Variants in HECW2 observed in about 807,000 individuals in gnomAD.
The protein encoded by HECW2 is HECT, C2 and WW domain containing E3 ubiquitin protein ligase 2, also known as E3 ubiquitin-protein ligase HECW2.
A neutral mutation model predicts 175.2 loss-of-function variants in HECW2; 61 were observed. The observed-to-expected ratio is 0.35, with a 90% confidence interval of 0.28 to 0.43. The LOEUF (loss-of-function observed/expected upper bound fraction) is 0.43, where lower values mean the gene tolerates loss of function less well. Among genes scored for constraint, HECW2 ranks in the 20% least tolerant of loss-of-function variants. The probability of loss-of-function intolerance (pLI) is 1.00; values close to 1 mark genes in which losing one functional copy is unlikely to be tolerated. For synonymous variants in HECW2, 671 were observed against 731.0 expected (o/e 0.92, Z 1.32); for missense variants, 1,524 against 2,000.5 (o/e 0.76, Z 4.54).
chr2:196,429,526 C>CT (rs75977065), intron 2 of HECW2, among the ~76,000 whole-genome samples: 39,193 of 152,094 alleles, frequency 0.26, 5,440 homozygotes, highest in African/African-American at 0.35. Flanking sequence ...GGAACTTCCG[C>CT]TTCAGGCCTT....
intron 1 of HECW2, among the ~76,000 whole-genome samples, chr2:196,515,089 C>T (rs1688101354): frequency 6.6e-6 from 1 of 152,246 alleles, no homozygotes; most frequent in Non-Finnish European, 1.5e-5. Flanking sequence ...CACTGCATTC[C>T]CTTTGTCCAG....
intron 2 of HECW2, among the ~76,000 whole-genome samples, chr2:196,379,677 T>C (rs1694150856): frequency 2.3e-5 from 2 of 85,604 alleles, no homozygotes; most frequent in African/African-American, 4.9e-5. Context: ...AGAGCAATAC[T>C]CCGTCTCAAA....
intron 19 of HECW2, among the ~76,000 whole-genome samples, chr2:196,245,485 G>A (rs1044918022): frequency 6.6e-6 from 1 of 152,196 alleles, no homozygotes; most frequent in African/African-American, 2.4e-5. Context: ...GGATATGACA[G>A]CTAACAAAAT....
intron 1 of HECW2, among the ~76,000 whole-genome samples, chr2:196,555,022 A>T (rs1239898093): frequency 1.3e-5 from 2 of 152,130 alleles, no homozygotes; most frequent in African/African-American, 4.8e-5. Flanking sequence ...CCAAAGGGGG[A>T]TTGTCAAACC....
intron 1 of HECW2, among the ~76,000 whole-genome samples, chr2:196,467,619 T>C (rs1041834449): frequency 3.9e-5 from 6 of 152,196 alleles, no homozygotes; most frequent in African/African-American, 1.4e-4. Context: ...AGAAACAATA[T>C]TGGAAGTGGC....
At chr2:196,401,178 A>C (rs972748684) in intron 2 of HECW2, among the ~76,000 whole-genome samples, 13 of 152,150 alleles carry the variant, frequency 8.5e-5, no homozygotes, top group Non-Finnish European at 1.9e-4. Flanking sequence ...TGTTTACTGC[A>C]GCACTATTTG....
chr2:196,437,239 G>T (rs1214549877), intron 1 of HECW2, among the ~76,000 whole-genome samples: 1 of 152,078 alleles, frequency 6.6e-6, no homozygotes, highest in Non-Finnish European at 1.5e-5. Flanking sequence ...CCAAGGAAGA[G>T]TACTGGGAGG....
intron 14 of HECW2, among the ~76,000 whole-genome samples, chr2:196,286,388 A>C (rs1690387824): frequency 7.3e-6 from 1 of 137,010 alleles, no homozygotes; most frequent in African/African-American, 2.7e-5. Context: ...GATGGAGGTC[A>C]TATATATATA....
chr2:196,245,182 A>C (rs527339251), intron 19 of HECW2, among the ~76,000 whole-genome samples: 1 of 152,344 alleles, frequency 6.6e-6, no homozygotes, highest in African/African-American at 2.4e-5. Flanking sequence ...TATAAAGTGT[A>C]TTTAAACAAT....
intron 2 of HECW2, among the ~76,000 whole-genome samples, chr2:196,416,163 T>A (rs1287231944): frequency 6.6e-6 from 1 of 152,194 alleles, no homozygotes; most frequent in Non-Finnish European, 1.5e-5. Flanking sequence ...TTACATCAGT[T>A]ACAGTTTAGA....
At chr2:196,469,832 G>A (rs1697123267) in intron 1 of HECW2, among the ~76,000 whole-genome samples, 1 of 151,866 alleles carries the variant, frequency 6.6e-6, no homozygotes, top group Admixed American at 6.6e-5. Flanking sequence ...TTACCTCTGG[G>A]GCGGGGGACT....
At chr2:196,361,700 C>T in intron 2 of HECW2, 1 of 717,362 alleles carries the variant, frequency 1.4e-6, no homozygotes, top group Non-Finnish European at 1.7e-6. Context: ...GAGGGGACCA[C>T]TTTTAAGAGC....
chr2:196,484,751 C>T (rs572722265), intron 1 of HECW2, among the ~76,000 whole-genome samples: 11 of 152,288 alleles, frequency 7.2e-5, no homozygotes, highest in South Asian at 2.1e-4. Flanking sequence ...TCCCCAACCC[C>T]GGGGAGTGGC....
chr2:196,361,942 A>G, intron 2 of HECW2: 1 of 985,426 alleles, frequency 1.0e-6, no homozygotes, highest in Non-Finnish European at 1.2e-6. Flanking sequence ...TCATAGGAGC[A>G]GCCAGAGCTG....
intron 1 of HECW2, among the ~76,000 whole-genome samples, chr2:196,454,837 G>C (rs1696455806): frequency 6.6e-6 from 1 of 152,280 alleles, no homozygotes; most frequent in South Asian, 2.1e-4. Flanking sequence ...AATGGGGATT[G>C]TATCATTGTA....
At chr2:196,533,349 TA>T (rs1165355068) in intron 1 of HECW2, among the ~76,000 whole-genome samples, 1 of 152,222 alleles carries the variant, frequency 6.6e-6, no homozygotes, top group Non-Finnish European at 1.5e-5. Context: ...TAAAAATGTT[TA>T]TTATTGACGT....
At chr2:196,258,614 T>C (rs1689161182) in intron 17 of HECW2, among the ~76,000 whole-genome samples, 1 of 152,192 alleles carries the variant, frequency 6.6e-6, no homozygotes. Context: ...TTTTGTTTGA[T>C]GAGTCATCAT....
intron 1 of HECW2, among the ~76,000 whole-genome samples, chr2:196,552,741 C>G (rs1433917010): frequency 1.3e-5 from 2 of 152,340 alleles, no homozygotes; most frequent in African/African-American, 4.8e-5. Context: ...GGCCAAGCAT[C>G]TCCACCATTT....
At chr2:196,442,851 CCT>C (rs1234761296) in intron 1 of HECW2, among the ~76,000 whole-genome samples, 12 of 152,088 alleles carry the variant, frequency 7.9e-5, no homozygotes, top group Non-Finnish European at 1.3e-4. Context: ...TTAAAATAGA[CCT>C]CTGATATGAA....
Sources: gnomAD v4.1 joint callset for allele counts (sites outside exome capture counted in the v4.1 genomes callset) on GRCh38, gnomAD v4.1.1 for gene constraint, MANE v1.5 for transcripts, NCBI Gene and HGNC (gene_info 2026-07-23, HGNC 2026-07-21) for gene names.